MAP4K4: variants seen among roughly 807,000 people sequenced by gnomAD.
MAP4K4 encodes the protein mitogen-activated protein kinase kinase kinase kinase 4.
MAP4K4 carries 38 observed loss-of-function variants against 189.6 expected under a neutral mutation model. The ratio of observed to expected loss-of-function variants is 0.20; its 90% confidence interval spans 0.15 to 0.26. The LOEUF is 0.26. MAP4K4 is among the 10% of genes least tolerant of loss of function. MAP4K4 has a pLI of 1.00. For synonymous variants in MAP4K4, 610 were observed against 624.3 expected, an observed-to-expected ratio of 0.98 and a Z score of 0.34; for missense variants, 1,054 against 1,726.9, an observed-to-expected ratio of 0.61 and a Z score of 6.91.
At chr2:101,874,619 C>G (rs113019878) in intron 26 of MAP4K4, among the ~76,000 whole-genome samples, 163 of 152,242 alleles carry the variant, frequency 1.1e-3, no homozygotes, top group Middle Eastern at 6.8e-3. Context: ...GTTGACTGTT[C>G]TCACTATAAA....
intron 6 of MAP4K4, among the ~76,000 whole-genome samples, chr2:101,830,971 C>A (rs547963057): frequency 4.6e-5 from 7 of 152,352 alleles, no homozygotes; most frequent in African/African-American, 1.7e-4. Flanking sequence ...TTTAAGTCAT[C>A]TCAGCATTTC....
exon 33 of MAP4K4, chr2:101,894,112 TC>T (rs964160634): frequency 2.0e-5 from 3 of 152,420 alleles, no homozygotes; most frequent in Non-Finnish European, 4.4e-5. Context: ...GGAATTATTT[TC>T]CCCCCTTTTA....
At chr2:101,754,439 C>T (rs985957127) in intron 2 of MAP4K4, among the ~76,000 whole-genome samples, 4 of 148,964 alleles carry the variant, frequency 2.7e-5, no homozygotes, top group Admixed American at 6.8e-5. Flanking sequence ...GCAATCTCCA[C>T]CTCCTGAGTT....
intron 2 of MAP4K4, among the ~76,000 whole-genome samples, chr2:101,761,857 G>A (rs1406940438): frequency 6.6e-6 from 1 of 152,084 alleles, no homozygotes; most frequent in Non-Finnish European, 1.5e-5. Context: ...ACACCCCGCT[G>A]AGTATGGGAG....
intron 20 of MAP4K4, 67 bp downstream of exon 20, chr2:101,867,376 G>A: frequency 1.6e-6 from 2 of 1,218,588 alleles, no homozygotes; most frequent in South Asian, 1.3e-5. Context: ...TTAAAAATAT[G>A]TGGTTGAGAG....
At chr2:101,846,586 T>C (rs1198354405) in intron 12 of MAP4K4, among the ~76,000 whole-genome samples, 1 of 152,230 alleles carries the variant, frequency 6.6e-6, no homozygotes. Flanking sequence ...GAGCGATGGC[T>C]CACAGGGAAG....
intron 24 of MAP4K4, among the ~76,000 whole-genome samples, chr2:101,872,159 T>A (rs1196303645): frequency 6.7e-6 from 1 of 148,184 alleles, no homozygotes; most frequent in East Asian, 2.0e-4. Flanking sequence ...CAGAACTGAT[T>A]TTTTTTTTTT....
At chr2:101,877,144 C>G (rs746540881) in exon 27 of MAP4K4, 1 of 1,613,938 alleles carries the variant, frequency 6.2e-7, no homozygotes, top group Non-Finnish European at 8.5e-7. Context: ...GTGACAATAT[C>G]TGGTGAGTGT....
At chr2:101,875,839 T>G (rs914801034) in intron 26 of MAP4K4, among the ~76,000 whole-genome samples, 1 of 152,246 alleles carries the variant, frequency 6.6e-6, no homozygotes, top group Non-Finnish European at 1.5e-5. Context: ...GCAGGCAGTC[T>G]TAGATGCCAG....
rs143187363 is a variant in MAP4K4, at chr2:101,723,584, G to T, written c.123+25046G>T. Among the ~76,000 whole-genome samples the T allele has an allele frequency of 4.5e-3, 678 of 152,284 alleles. 5 individuals carry two copies. The highest frequency in any genetic ancestry group is 0.015 in the African/African-American group (638 of 41,564). On this transcript the variant is annotated intron_variant, in intron 2 of 32. Transcript: ENST00000324219. ...GTGCCTTGAGTGGCTGAGCTCCTGG[G>T]CCAGAATCCAGGTGAGTTCTCAGTA...
intron 3 of MAP4K4, among the ~76,000 whole-genome samples, chr2:101,811,370 C>CAAAGAAA (rs2095412985): frequency 1.5e-5 from 1 of 68,900 alleles, no homozygotes; most frequent in Non-Finnish European, 2.6e-5. Flanking sequence ...GACTGCGTCT[C>CAAAGAAA]AAAAAAAAAA....
chr2:101,856,562 G>C (rs932416791), intron 13 of MAP4K4, among the ~76,000 whole-genome samples: 14 of 152,014 alleles, frequency 9.2e-5, no homozygotes, highest in African/African-American at 3.4e-4. Context: ...GTGGCTAAGT[G>C]AATACTGTAA....
intron 2 of MAP4K4, among the ~76,000 whole-genome samples, chr2:101,763,403 A>G (rs762617650): frequency 3.3e-5 from 5 of 152,224 alleles, no homozygotes; most frequent in Non-Finnish European, 7.3e-5. Flanking sequence ...AGGTCAGATG[A>G]CTTTGGATAC....
intron 14 of MAP4K4, 93 bp from the exon 15 acceptor site, chr2:101,859,550 T>C: frequency 1.0e-6 from 1 of 964,366 alleles, no homozygotes; most frequent in Non-Finnish European, 1.5e-6. Flanking sequence ...AGGGAAAATA[T>C]ATGGTCACTT....
exon 12 of MAP4K4, chr2:101,844,111 A>T: frequency 6.2e-7 from 1 of 1,611,458 alleles, no homozygotes; most frequent in Non-Finnish European, 8.5e-7. Flanking sequence ...TTCCATTGTG[A>T]ACGTGCCTGG....
chr2:101,846,416 G>A (rs2097112320), intron 12 of MAP4K4, among the ~76,000 whole-genome samples: 1 of 152,112 alleles, frequency 6.6e-6, no homozygotes, highest in Admixed American at 6.5e-5. Context: ...TACTTTGGTG[G>A]TTTATAACTT....
chr2:101,742,339 G>A (rs891119048), intron 2 of MAP4K4, among the ~76,000 whole-genome samples: 10 of 152,204 alleles, frequency 6.6e-5, no homozygotes, highest in Non-Finnish European at 1.5e-4. Context: ...AACCTACGGT[G>A]TGTCTTTTGT....
chr2:101,738,569 T>C (rs1333973426), intron 2 of MAP4K4, among the ~76,000 whole-genome samples: 1 of 152,104 alleles, frequency 6.6e-6, no homozygotes, highest in East Asian at 1.9e-4. Flanking sequence ...AGAAATAGAA[T>C]AGTGATCTGC....
chr2:101,771,112 A>G (rs1028754276), intron 2 of MAP4K4, among the ~76,000 whole-genome samples: 2 of 152,144 alleles, frequency 1.3e-5, no homozygotes. Flanking sequence ...TAAATAGCAC[A>G]CCTTGATTTT....
Sources: allele counts gnomAD v4.1 joint callset (sites outside exome capture counted in the v4.1 genomes callset), GRCh38; gene constraint gnomAD v4.1.1; transcripts MANE v1.5; gene names NCBI Gene and HGNC (gene_info 2026-07-23, HGNC 2026-07-21).